Variants in CTTNBP2 observed in about 807,000 individuals in gnomAD.
CTTNBP2 encodes cortactin-binding protein 2.
CTTNBP2 carries 108 observed loss-of-function variants against 156.9 expected under a neutral mutation model. The observed-to-expected ratio is 0.69, with a 90% confidence interval of 0.59 to 0.81. CTTNBP2 has a LOEUF of 0.81. Ranked by LOEUF, CTTNBP2 falls within the 30% of genes least tolerant of loss-of-function variation. The probability of loss-of-function intolerance (pLI) is 0.00; values close to 1 mark genes in which losing one functional copy is unlikely to be tolerated. For synonymous variants in CTTNBP2, 767 were observed against 751.8 expected (o/e 1.02, Z -0.33); for missense variants, 1,924 against 2,035.4 (o/e 0.95, Z 1.05).
At chr7:117,716,041 CTCCAAA>C (rs1268632198) in intron 22 of CTTNBP2, 1 of 152,038 alleles carries the variant, frequency 6.6e-6, no homozygotes, top group East Asian at 1.9e-4. Context: ...GGAAGAGTCC[CTCCAAA>C]TAAGTGTCTT....
At chr7:117,833,474 A>G (rs1216332859) in intron 2 of CTTNBP2, among the ~76,000 whole-genome samples, 1 of 152,220 alleles carries the variant, frequency 6.6e-6, no homozygotes, top group Non-Finnish European at 1.5e-5. Flanking sequence ...AACAATTTTG[A>G]GTCCTGAGTT....
At chr7:117,713,796 C>G (rs1794187701) in intron 22 of CTTNBP2, 1 of 152,156 alleles carries the variant, frequency 6.6e-6, no homozygotes, top group Admixed American at 6.6e-5. Context: ...TCAGACTCAG[C>G]TAATCTTAAG....
chr7:117,757,818 G>T, intron 11 of CTTNBP2, 57 bp downstream of exon 11: 1 of 1,171,056 alleles, frequency 8.5e-7, no homozygotes, highest in Non-Finnish European at 1.2e-6. Context: ...CTGGTGCTCT[G>T]AGGCAGCCAT....
chr7:117,868,149 C>T lies in CTTNBP2; in HGVS notation c.81+5186G>A, dbSNP rs146121906. 1.1e-4 allele frequency among the ~76,000 whole-genome samples: 17 copies of T among 152,198 alleles called. No individual in the cohort carries two copies. The East Asian group carries it at 2.3e-3, about 21-fold the overall frequency. ...TCAGTTTTTCGATGTGACATCAGCCCGACATGGGACATGGATCAGCTCCAC... is the reference window on the plus strand; with the variant it reads ...TCAGTTTTTCGATGTGACATCAGCCTGACATGGGACATGGATCAGCTCCAC... On this transcript the variant is annotated intron_variant, in intron 1 of 22. Coordinates refer to ENST00000160373, the MANE Select transcript of CTTNBP2 (RefSeq NM_033427.3).
intron 5 of CTTNBP2, among the ~76,000 whole-genome samples, chr7:117,783,310 T>C (rs1278354789): frequency 6.6e-6 from 1 of 152,108 alleles, no homozygotes; most frequent in Non-Finnish European, 1.5e-5. Flanking sequence ...TCCCAGAAAA[T>C]AATGTTCCTG....
At chr7:117,809,902 T>C (rs948219812) in intron 3 of CTTNBP2, among the ~76,000 whole-genome samples, 3 of 152,230 alleles carry the variant, frequency 2.0e-5, no homozygotes, top group Admixed American at 6.5e-5. Flanking sequence ...GGAGAGAACA[T>C]ATTAGTTTTA....
intron 3 of CTTNBP2, among the ~76,000 whole-genome samples, chr7:117,803,549 T>C (rs569202837): frequency 1.3e-5 from 2 of 152,278 alleles, no homozygotes; most frequent in African/African-American, 2.4e-5. Flanking sequence ...AATTATTTTT[T>C]AAAAAGCTTC....
At chr7:117,765,652 T>C (rs1292998982) in intron 9 of CTTNBP2, among the ~76,000 whole-genome samples, 1 of 152,200 alleles carries the variant, frequency 6.6e-6, no homozygotes, top group Non-Finnish European at 1.5e-5. Flanking sequence ...TCCTCAATTT[T>C]AGGATTTCCC....
chr7:117,765,368 T>C (rs1164655693), intron 9 of CTTNBP2, among the ~76,000 whole-genome samples: 1 of 152,238 alleles, frequency 6.6e-6, no homozygotes, highest in African/African-American at 2.4e-5. Context: ...TAGAAAGACC[T>C]TAAGAAATGA....
intron 2 of CTTNBP2, among the ~76,000 whole-genome samples, chr7:117,836,305 C>T (rs1801930342): frequency 6.6e-6 from 1 of 152,198 alleles, no homozygotes; most frequent in Non-Finnish European, 1.5e-5. Context: ...TGGCTCACGC[C>T]TGTAATCCCA....
intron 2 of CTTNBP2, among the ~76,000 whole-genome samples, chr7:117,854,113 C>T (rs963438722): frequency 1.3e-5 from 2 of 152,166 alleles, no homozygotes; most frequent in African/African-American, 4.8e-5. Flanking sequence ...AGAAACAACA[C>T]AAAATCTGGT....
intron 8 of CTTNBP2, among the ~76,000 whole-genome samples, chr7:117,775,374 G>A (rs554221945): frequency 6.6e-6 from 1 of 151,988 alleles, no homozygotes; most frequent in Non-Finnish European, 1.5e-5. Context: ...GGAAATCAAT[G>A]ACAATGCCAT....
In CTTNBP2 at chr7:117,791,646, T is replaced by C. The variant is rs1402485981; in HGVS notation, c.1550A>G (p.Asp517Gly). ...PSRPGVPPTG[D>G]VGTHPPVGRT... ...ACCAACTGGAGGGTGGGTGCCAACA[T>C]CCCCTGTTGGGGGCACTCCAGGCCT... Residue 517 changes from aspartate (D) to glycine (G), a missense_variant, in exon 4 of 23, where the codon GAT becomes GGT. By Grantham distance (94) the Asp-to-Gly change is moderately conservative (BLOSUM62 -1). Coordinates refer to ENST00000160373, the MANE Select transcript of CTTNBP2 (RefSeq NM_033427.3). 1 of 1,614,096 alleles carries C rather than the reference T, an allele frequency of 6.2e-7. No individual in the cohort carries two copies. The highest frequency in any genetic ancestry group is 1.1e-5 in the South Asian group (1 of 91,066).
At chr7:117,871,995 G>A (rs1804640294) in intron 1 of CTTNBP2, 7 of 984,442 alleles carry the variant, frequency 7.1e-6, no homozygotes, top group Non-Finnish European at 8.4e-6. Context: ...CCCCACAGAG[G>A]GGAGCTGATT....
intron 2 of CTTNBP2, among the ~76,000 whole-genome samples, chr7:117,858,099 G>T (rs1007370908): frequency 1.3e-5 from 2 of 152,168 alleles, no homozygotes; most frequent in Admixed American, 1.3e-4. Context: ...GGTCGGGCGC[G>T]GTGGCTCACG....
At chr7:117,726,077 G>T (rs187382369) in intron 17 of CTTNBP2, among the ~76,000 whole-genome samples, 206 of 152,294 alleles carry the variant, frequency 1.4e-3, no homozygotes, top group African/African-American at 4.9e-3. Flanking sequence ...GAGGATGGGG[G>T]TCAATCAGCT....
intron 4 of CTTNBP2, among the ~76,000 whole-genome samples, chr7:117,787,558 CAG>C (rs1315614698): frequency 6.6e-6 from 1 of 152,026 alleles, no homozygotes; most frequent in Non-Finnish European, 1.5e-5. Flanking sequence ...AAAGAAAAAA[CAG>C]AAAAAACAAT....
intron 12 of CTTNBP2, among the ~76,000 whole-genome samples, chr7:117,751,041 T>G (rs1440812776): frequency 1.3e-5 from 2 of 152,226 alleles, no homozygotes; most frequent in African/African-American, 4.8e-5. Context: ...TTCTTGTGTC[T>G]TCACAGACTA....
chr7:117,811,197 C>T (rs1282442714), intron 2 of CTTNBP2, among the ~76,000 whole-genome samples: 1 of 152,094 alleles, frequency 6.6e-6, no homozygotes, highest in African/African-American at 2.4e-5. Context: ...AAATTTTCTT[C>T]AAGAATATTG....
Sources: allele counts gnomAD v4.1 joint callset (sites outside exome capture counted in the v4.1 genomes callset), GRCh38; gene constraint gnomAD v4.1.1; transcripts MANE v1.5; gene names NCBI Gene and HGNC (gene_info 2026-07-23, HGNC 2026-07-21).